ACBD6: variants seen among roughly 807,000 people sequenced by gnomAD.
ACBD6 encodes the protein acyl-CoA-binding domain-containing protein 6.
ACBD6 carries 28 observed loss-of-function variants against 37.2 expected under a neutral mutation model. That is an observed-to-expected ratio of 0.75 (90% CI 0.56 to 1.03). ACBD6 has a LOEUF of 1.03. Ranked by LOEUF, ACBD6 falls within the 50% of genes least tolerant of loss-of-function variation. The pLI, the probability that ACBD6 is intolerant of heterozygous loss-of-function variation, is 0.00. For synonymous variants in ACBD6, 113 were observed against 126.8 expected, an observed-to-expected ratio of 0.89 and a Z score of 0.73; for missense variants, 340 against 337.4, an observed-to-expected ratio of 1.01 and a Z score of -0.06.
In ACBD6 at chr1:180,270,067, A is replaced by G. The variant is rs553560654; in HGVS notation, c.*3158T>C. 6 of 152,408 alleles carry G rather than the reference A, an allele frequency of 3.9e-5. No individual in the cohort carries two copies. The East Asian group carries it at 1.2e-3, about 29-fold the overall frequency. 9.4% of individuals were successfully genotyped at this position (152,408 alleles called of 1,614,324 possible). On this transcript the variant is annotated 3_prime_UTR_variant, in exon 14 of 14. Transcript: ENST00000642319. ...CATTCCTCTAGTGCCTCCCAAGATC[A>G]GGGCAGGCCGTGTTGCCCTCTGGAC...
intron 6 of ACBD6, among the ~76,000 whole-genome samples, chr1:180,345,408 T>C (rs1002850693): frequency 1.3e-5 from 2 of 152,174 alleles, no homozygotes; most frequent in Non-Finnish European, 2.9e-5. Context: ...TTTCATTAGT[T>C]GTTAGGAGCA....
intron 3 of ACBD6, among the ~76,000 whole-genome samples, chr1:180,452,205 C>T (rs1649734295): frequency 6.6e-6 from 1 of 152,126 alleles, no homozygotes; most frequent in Admixed American, 6.6e-5. Flanking sequence ...ATGTGGGTGG[C>T]TCAGACCTGT....
intron 4 of ACBD6, among the ~76,000 whole-genome samples, chr1:180,420,835 A>G (rs1017320635): frequency 6.6e-6 from 1 of 152,116 alleles, no homozygotes; most frequent in African/African-American, 2.4e-5. Context: ...GTTGATCATA[A>G]ACCCGCCTGA....
At chr1:180,302,352 C>T (rs972245736) in intron 7 of ACBD6, among the ~76,000 whole-genome samples, 1 of 151,546 alleles carries the variant, frequency 6.6e-6, no homozygotes, top group Non-Finnish European at 1.5e-5. Flanking sequence ...AAAATATTTT[C>T]CAATATATTC....
intron 3 of ACBD6, among the ~76,000 whole-genome samples, chr1:180,463,576 CA>C (rs1034769273): frequency 1.3e-5 from 2 of 150,436 alleles, no homozygotes; most frequent in Non-Finnish European, 3.0e-5. Context: ...GTCTACCAAT[CA>C]AAAAAAAACC....
chr1:180,325,420 TTTAA>T (rs1460063852), intron 6 of ACBD6, among the ~76,000 whole-genome samples: 4 of 152,212 alleles, frequency 2.6e-5, no homozygotes, highest in African/African-American at 9.6e-5. Flanking sequence ...CTTGGTTCTT[TTTAA>T]TTATTTCAAT....
intron 6 of ACBD6, among the ~76,000 whole-genome samples, chr1:180,365,916 A>G (rs957908490): frequency 6.6e-6 from 1 of 152,154 alleles, no homozygotes; most frequent in Non-Finnish European, 1.5e-5. Flanking sequence ...CAGTTTGATC[A>G]AAAGCAATAT....
At chr1:180,471,539 G>A (rs1394055956) in intron 3 of ACBD6, among the ~76,000 whole-genome samples, 1 of 152,076 alleles carries the variant, frequency 6.6e-6, no homozygotes, top group African/African-American at 2.4e-5. Context: ...GGCTGGGGAG[G>A]CCTCAAAATC....
chr1:180,458,372 A>T (rs1650000605), intron 3 of ACBD6, among the ~76,000 whole-genome samples: 1 of 152,244 alleles, frequency 6.6e-6, no homozygotes, highest in African/African-American at 2.4e-5. Flanking sequence ...TTAAACACTG[A>T]GCTCATCACT....
chr1:180,398,593 T>C (rs1275129617), intron 5 of ACBD6, among the ~76,000 whole-genome samples: 2 of 152,196 alleles, frequency 1.3e-5, no homozygotes, highest in Admixed American at 6.5e-5. Context: ...AAGTACTAAA[T>C]ATGAAATATT....
At chr1:180,439,525 A>T (rs954946906) in intron 3 of ACBD6, among the ~76,000 whole-genome samples, 2 of 152,056 alleles carry the variant, frequency 1.3e-5, no homozygotes, top group African/African-American at 4.8e-5. Flanking sequence ...AGGAGGCAGA[A>T]CTTGCAGTGA....
At chr1:180,467,812 CT>C (rs375611707) in intron 3 of ACBD6, among the ~76,000 whole-genome samples, 234 of 100,452 alleles carry the variant, frequency 2.3e-3, no homozygotes, top group African/African-American at 9.1e-3. Flanking sequence ...AACCATTCCC[CT>C]ATTGAGATCC....
At chr1:180,340,611 AAG>A (rs1651942837) in intron 6 of ACBD6, among the ~76,000 whole-genome samples, 1 of 152,036 alleles carries the variant, frequency 6.6e-6, no homozygotes, top group South Asian at 2.1e-4. Flanking sequence ...ATCTACACAG[AAG>A]AGAGAGAAAA....
chr1:180,460,480 C>A (rs971898990), intron 3 of ACBD6, among the ~76,000 whole-genome samples: 2 of 152,110 alleles, frequency 1.3e-5, no homozygotes, highest in East Asian at 3.9e-4. Context: ...CTGGGCGAGA[C>A]CTCCCAACCA....
chr1:180,442,575 C>T (rs1035184024), intron 3 of ACBD6, among the ~76,000 whole-genome samples: 4 of 152,212 alleles, frequency 2.6e-5, no homozygotes, highest in African/African-American at 9.6e-5. Flanking sequence ...TTTCTCCTTT[C>T]TGGGTCTCCA....
chr1:180,461,102 C>T (rs1650129237), intron 3 of ACBD6, among the ~76,000 whole-genome samples: 1 of 152,086 alleles, frequency 6.6e-6, no homozygotes, highest in Admixed American at 6.6e-5. Flanking sequence ...TTTAATAATA[C>T]AATTGCAAGT....
chr1:180,333,741 G>A (rs1332840243), intron 6 of ACBD6, among the ~76,000 whole-genome samples: 3 of 152,210 alleles, frequency 2.0e-5, no homozygotes, highest in African/African-American at 7.2e-5. Flanking sequence ...GAAGCGCAAG[G>A]GGTCAGGGAA....
intron 3 of ACBD6, among the ~76,000 whole-genome samples, chr1:180,443,761 C>T (rs1283499572): frequency 1.3e-5 from 2 of 149,032 alleles, no homozygotes; most frequent in Admixed American, 6.9e-5. Context: ...TACAGACACC[C>T]GCCACCACGC....
At chr1:180,296,229 C>G (rs1443638993) in intron 7 of ACBD6, among the ~76,000 whole-genome samples, 1 of 152,090 alleles carries the variant, frequency 6.6e-6, no homozygotes, top group Non-Finnish European at 1.5e-5. Context: ...TCTACGAAGA[C>G]TGAAAGAGAT....
Sources: allele counts gnomAD v4.1 joint callset (sites outside exome capture counted in the v4.1 genomes callset), GRCh38; gene constraint gnomAD v4.1.1; transcripts MANE v1.5; gene names NCBI Gene and HGNC (gene_info 2026-07-23, HGNC 2026-07-21).